TRIM14: variants seen among roughly 807,000 people sequenced by gnomAD.
TRIM14 encodes the protein tripartite motif containing 14, also known as tripartite motif-containing protein 14.
A neutral mutation model predicts 44.5 loss-of-function variants in TRIM14; 28 were observed. The observed-to-expected ratio is 0.63, with a 90% CI of 0.47 to 0.86. The LOEUF (loss-of-function observed/expected upper bound fraction) is 0.86. Ranked by LOEUF, TRIM14 falls within the 40% of genes least tolerant of loss-of-function variation. TRIM14 has a pLI of 0.00. For missense variants in TRIM14, 607 were observed against 611.1 expected (o/e 0.99, Z 0.07); for synonymous variants, 299 against 269.2 (o/e 1.11, Z -1.08).
chr9:98,082,971 C>A, downstream of TRIM14: 1 of 1,614,094 alleles, frequency 6.2e-7, no homozygotes, highest in Non-Finnish European at 8.5e-7. Flanking sequence ...ATCTAGTGGG[C>A]AAGAAGGTCC....
At chr9:98,092,773 C>T (rs777330110) in intron 4 of TRIM14, among the ~76,000 whole-genome samples, 1 of 152,218 alleles carries the variant, frequency 6.6e-6, no homozygotes, top group South Asian at 2.1e-4. Flanking sequence ...AGGCGAACGC[C>T]GAGCTGTAAC....
At chr9:98,075,413 AGG>A (rs1339907017) in intron 6 of TRIM14, 2 of 137,222 alleles carry the variant, frequency 1.5e-5, no homozygotes, top group Admixed American at 7.5e-5. Context: ...GAGGAAGGAA[AGG>A]GAGAGAGGGA....
chr9:98,099,843 T>TA (rs1826322939), intron 3 of TRIM14, 88 bp downstream of exon 3: 8 of 1,162,128 alleles, frequency 6.9e-6, no homozygotes, highest in Non-Finnish European at 1.0e-5. Flanking sequence ...ACTTGCTTAG[T>TA]GTGTCAATAC....
chr9:98,099,852 A>T, intron 3 of TRIM14, 79 bp downstream of exon 3: 1 of 1,292,226 alleles, frequency 7.7e-7, no homozygotes, highest in Non-Finnish European at 1.1e-6. Flanking sequence ...GTGTGTCAAT[A>T]CTGTGCTCAA....
chr9:98,082,596 C>T (rs558929344), downstream of TRIM14, among the ~76,000 whole-genome samples: 36 of 152,220 alleles, frequency 2.4e-4, no homozygotes, highest in African/African-American at 6.0e-4. Context: ...AACCTGGCTC[C>T]GCCTACATAG....
At chr9:98,054,853 G>A in the TRIM14 span, among the ~76,000 whole-genome samples, 1 of 152,108 alleles carries the variant, frequency 6.6e-6, no homozygotes, top group East Asian at 1.9e-4. Context: ...ATTTTTAACT[G>A]CTCAACTGGT....
the TRIM14 span, among the ~76,000 whole-genome samples, chr9:98,062,004 T>C: frequency 6.6e-6 from 1 of 151,496 alleles, no homozygotes; most frequent in Non-Finnish European, 1.5e-5. Context: ...GAAGGACTGC[T>C]TGAGGCCAGG....
At chr9:98,060,878 T>C in the TRIM14 span, 1 of 1,614,138 alleles carries the variant, frequency 6.2e-7, no homozygotes, top group East Asian at 2.2e-5. Context: ...GAAGCATTCC[T>C]GGGGGAAGAC....
At chr9:98,083,220 A>C, downstream of TRIM14, 1 of 677,678 alleles carries the variant, frequency 1.5e-6, no homozygotes, top group Non-Finnish European at 2.5e-6. Flanking sequence ...GTGTCAGCCC[A>C]CTGGAGACAG....
the TRIM14 span, among the ~76,000 whole-genome samples, chr9:98,055,318 C>T: frequency 6.6e-6 from 1 of 152,176 alleles, no homozygotes. Context: ...TATGCCCCAC[C>T]TTGGAGATCA....
intron 6 of TRIM14, among the ~76,000 whole-genome samples, chr9:98,069,942 T>G (rs1829263490): frequency 6.6e-6 from 1 of 152,204 alleles, no homozygotes; most frequent in Admixed American, 6.5e-5. Flanking sequence ...TGGTTGACTT[T>G]GTCAATGTCA....
chr9:98,067,441 G>A (rs1829181711), downstream of TRIM14, among the ~76,000 whole-genome samples: 2 of 152,158 alleles, frequency 1.3e-5, no homozygotes, highest in Admixed American at 1.3e-4. Flanking sequence ...CATCCTAGTG[G>A]ATGTGACATG....
chr9:98,049,553 A>ATGACATT, the TRIM14 span, among the ~76,000 whole-genome samples: 1 of 152,176 alleles, frequency 6.6e-6, no homozygotes, highest in Middle Eastern at 3.4e-3. Flanking sequence ...CTATGTTGCT[A>ATGACATT]TGACATTTAT....
Position 98,086,295 on chromosome 9 carries a change from G to C in TRIM14, c.*1175C>G, listed in dbSNP as rs1301921878. On this transcript the variant is annotated 3_prime_UTR_variant, in exon 6 of 6. Coordinates refer to ENST00000341469, the MANE Select transcript of TRIM14 (RefSeq NM_014788.4). ...ATGCTTGCCTGGGGGTGGGTGAACG[G>C]GGCACACGTCTGGCCCCCCTATATC... is the stretch of plus-strand genomic sequence containing the variant. 1.3e-5 allele frequency: 2 copies of C among 152,306 alleles called. No individual in the cohort carries two copies. The highest frequency in any genetic ancestry group is 1.3e-4 in the Admixed American group (2 of 15,282). 9.4% of individuals were successfully genotyped at this position (152,306 alleles called of 1,614,324 possible). A position where few individuals can be genotyped will look rare whatever the true frequency, so the allele number is the denominator to read the frequency against.
At chr9:98,055,066 C>T in the TRIM14 span, among the ~76,000 whole-genome samples, 1 of 152,176 alleles carries the variant, frequency 6.6e-6, no homozygotes. Context: ...GTTGCCCAGG[C>T]TGGAGTGCAA....
At chr9:98,039,869 T>G in the TRIM14 span, among the ~76,000 whole-genome samples, 2 of 152,062 alleles carry the variant, frequency 1.3e-5, no homozygotes, top group South Asian at 4.2e-4. Context: ...AACTCCAGCC[T>G]CCCGCACAGC....
the TRIM14 span, among the ~76,000 whole-genome samples, chr9:98,059,797 T>C: frequency 1.8e-4 from 28 of 152,250 alleles, 2 homozygotes; most frequent in African/African-American, 6.7e-4. Context: ...AGAAGTCATC[T>C]AGGGGCTGGG....
the TRIM14 span, among the ~76,000 whole-genome samples, chr9:98,046,507 T>G: frequency 6.6e-6 from 1 of 152,076 alleles, no homozygotes; most frequent in African/African-American, 2.4e-5. Flanking sequence ...AATGGCGTGA[T>G]CTCGGCTCAC....
At chr9:98,065,914 C>T (rs1316653921), downstream of TRIM14, among the ~76,000 whole-genome samples, 1 of 152,100 alleles carries the variant, frequency 6.6e-6, no homozygotes, top group Non-Finnish European at 1.5e-5. Flanking sequence ...TGCCCCCCAC[C>T]ATGATTCTGA....
Sources: allele counts gnomAD v4.1 joint callset (sites outside exome capture counted in the v4.1 genomes callset), GRCh38; gene constraint gnomAD v4.1.1; transcripts MANE v1.5; gene names NCBI Gene and HGNC (gene_info 2026-07-23, HGNC 2026-07-21).